Variants in CSGALNACT1 observed in about 807,000 individuals in gnomAD.
The protein encoded by CSGALNACT1 is beta4GalNAcT-1.
In CSGALNACT1, 52 loss-of-function variants were observed where a neutral mutation model predicts 51.0. That is an observed-to-expected ratio of 1.02 (90% CI 0.82 to 1.29). The LOEUF (loss-of-function observed/expected upper bound fraction) is 1.29. Among genes scored for constraint, CSGALNACT1 ranks in the 50% most tolerant of loss-of-function variants. The pLI is 0.00. For missense variants in CSGALNACT1, 935 were observed against 679.2 expected (o/e 1.38, Z -4.19); for synonymous variants, 341 against 254.4 (o/e 1.34, Z -3.24).
intron 1 of CSGALNACT1, among the ~76,000 whole-genome samples, chr8:19,747,494 T>C (rs1312340999): frequency 6.6e-6 from 1 of 152,198 alleles, no homozygotes; most frequent in Admixed American, 6.5e-5. Flanking sequence ...ACCCTCAGGA[T>C]TTTTAGTTAC....
At chr8:19,594,190 G>T (rs546165595) in intron 2 of CSGALNACT1, among the ~76,000 whole-genome samples, 7 of 152,266 alleles carry the variant, frequency 4.6e-5, no homozygotes, top group African/African-American at 1.7e-4. Flanking sequence ...GACTGCTAGA[G>T]AACATCAGTA....
chr8:19,495,510 T>G (rs1298274906), intron 4 of CSGALNACT1, among the ~76,000 whole-genome samples: 2 of 152,152 alleles, frequency 1.3e-5, no homozygotes, highest in Non-Finnish European at 1.5e-5. Context: ...AAAGTCAGAA[T>G]GACACCTCGC....
intron 1 of CSGALNACT1, among the ~76,000 whole-genome samples, chr8:19,650,532 C>T (rs1200885152): frequency 1.3e-5 from 2 of 152,104 alleles, no homozygotes; most frequent in African/African-American, 2.4e-5. Flanking sequence ...CCAATGGGCA[C>T]CAACAATATG....
intron 4 of CSGALNACT1, among the ~76,000 whole-genome samples, chr8:19,487,147 A>C (rs2073146981): frequency 6.6e-6 from 1 of 152,212 alleles, no homozygotes; most frequent in African/African-American, 2.4e-5. Flanking sequence ...AAAGAGCTTA[A>C]ATTTTATCCC....
chr8:19,746,427 C>A (rs6984390), intron 1 of CSGALNACT1, among the ~76,000 whole-genome samples: 111,005 of 152,022 alleles, frequency 0.73, 40,689 homozygotes, highest in Middle Eastern at 0.86. Context: ...GAGCCCATCA[C>A]GTGCAGATTG....
chr8:19,684,416 A>T (rs1474086824), upstream of CSGALNACT1, among the ~76,000 whole-genome samples: 1 of 152,202 alleles, frequency 6.6e-6, no homozygotes, highest in East Asian at 1.9e-4. Flanking sequence ...TAGACCTAAT[A>T]AAAATAAACA....
chr8:19,619,252 G>GA (rs906634380), intron 1 of CSGALNACT1, among the ~76,000 whole-genome samples: 1 of 148,196 alleles, frequency 6.7e-6, no homozygotes, highest in African/African-American at 2.5e-5. Context: ...CAGGGTCGGG[G>GA]GGGGGTGGGC....
At chr8:19,509,864 A>G (rs1178109807) in intron 3 of CSGALNACT1, among the ~76,000 whole-genome samples, 5 of 152,144 alleles carry the variant, frequency 3.3e-5, no homozygotes, top group African/African-American at 1.2e-4. Flanking sequence ...GACAGTGAAA[A>G]TACAGCTTTA....
exon 10 of CSGALNACT1, chr8:19,405,048 C>G: frequency 2.2e-6 from 1 of 453,182 alleles, no homozygotes; most frequent in Non-Finnish European, 4.4e-6. Flanking sequence ...CTCAAAGTAT[C>G]TTCTTAAAAA....
At chr8:19,448,913 T>C (rs538050443) in intron 5 of CSGALNACT1, among the ~76,000 whole-genome samples, 3 of 152,294 alleles carry the variant, frequency 2.0e-5, no homozygotes, top group African/African-American at 7.2e-5. Context: ...ACAAAGGAAC[T>C]GGAAATAAGG....
At chr8:19,573,735 A>G (rs1352882025) in intron 3 of CSGALNACT1, among the ~76,000 whole-genome samples, 1 of 152,030 alleles carries the variant, frequency 6.6e-6, no homozygotes, top group African/African-American at 2.4e-5. Context: ...CAATACTGCA[A>G]ACCTAAGAGT....
At position 19,415,582 on chromosome 8, in the gene CSGALNACT1, CCT is replaced by C. The variant is rs34107082; in HGVS notation, c.1227+3072_1227+3073del. Among the ~76,000 whole-genome samples, 943 of 152,280 alleles carry C rather than the reference CCT, an allele frequency of 6.2e-3. 9 individuals are homozygous for C. Among genetic ancestry groups the C allele is most frequent in the African/African-American group, 0.022 (894 of 41,544 alleles). On this transcript the variant is annotated intron_variant, in intron 8 of 9. Transcript: ENST00000454498. ...GAGAAACTTGCCTAACTGCACTGTG[CCT>C]CTGATTCCCTTCGCAACTCCTACCC...
intron 3 of CSGALNACT1, among the ~76,000 whole-genome samples, chr8:19,554,492 A>C: frequency 6.6e-6 from 1 of 152,252 alleles, no homozygotes; most frequent in East Asian, 1.9e-4. Context: ...GAAATATACT[A>C]TTAAGTTACT....
Position 19,675,858 on chromosome 8 carries a change from C to T in CSGALNACT1, c.-544+6615G>A, listed in dbSNP as rs575966170. Among the ~76,000 whole-genome samples the T allele has an allele frequency of 1.2e-4, 18 of 152,114 alleles. No individual in the cohort carries two copies. The South Asian group carries it at 3.7e-3, about 32-fold the overall frequency. ...CAGGTTCATCCAAGTCACATGCGGG[C>T]AGGACACACTCAAAGCGATATAACA... On this transcript the variant is annotated intron_variant, in intron 1 of 9. Coordinates refer to the CSGALNACT1 transcript ENST00000332246.
chr8:19,635,155 A>C (rs532127095), intron 1 of CSGALNACT1, among the ~76,000 whole-genome samples: 1 of 152,324 alleles, frequency 6.6e-6, no homozygotes, highest in East Asian at 1.9e-4. Flanking sequence ...GGGCCTGGCC[A>C]TCAGGGCAGA....
At chr8:19,468,552 G>C (rs928855073) in intron 4 of CSGALNACT1, among the ~76,000 whole-genome samples, 4 of 152,080 alleles carry the variant, frequency 2.6e-5, no homozygotes, top group African/African-American at 7.2e-5. Context: ...GGCAGGGAAC[G>C]AGATCAGAGA....
chr8:19,655,993 T>C lies in CSGALNACT1; in HGVS notation c.-544+26480A>G, dbSNP rs544418029. ...GTGTCTTCTCAGAGGATAGAGTATT[T>C]CAGTTAAACTTTGGAGGTTGAGCAG... is the stretch of plus-strand genomic sequence containing the variant. On this transcript the variant is annotated intron_variant, in intron 1 of 9. Coordinates refer to the CSGALNACT1 transcript ENST00000332246. Among the ~76,000 whole-genome samples the C allele has an allele frequency of 8.5e-4, 130 of 152,232 alleles. 1 individual carries two copies. Among genetic ancestry groups the C allele is most frequent in the Non-Finnish European group, 1.4e-3 (98 of 68,016 alleles).
chr8:19,457,574 C>A, intron 5 of CSGALNACT1: 3 of 865,688 alleles, frequency 3.5e-6, no homozygotes, highest in Non-Finnish European at 5.0e-6. Flanking sequence ...GTTCGTGCCA[C>A]TGCACTCCAG....
At chr8:19,582,715 C>G (rs546962034) in intron 3 of CSGALNACT1, among the ~76,000 whole-genome samples, 7 of 152,128 alleles carry the variant, frequency 4.6e-5, no homozygotes, top group Admixed American at 2.0e-4. Context: ...TTATCATTGT[C>G]TAAAAAGGAA....
Sources: gnomAD v4.1 joint callset for allele counts (sites outside exome capture counted in the v4.1 genomes callset) on GRCh38, gnomAD v4.1.1 for gene constraint, MANE v1.5 for transcripts, NCBI Gene and HGNC (gene_info 2026-07-23, HGNC 2026-07-21) for gene names.